The following MATCAP1 variants were observed in gnomAD, a reference collection of about 807,000 sequenced individuals.
MATCAP1 encodes the protein microtubule-associated tyrosine carboxypeptidase 1.
At chr16:67,176,822 G>A in the MATCAP1 span, 2 of 1,592,008 alleles carry the variant, frequency 1.3e-6, no homozygotes, top group African/African-American at 2.7e-5. This position sits in a 1 kb window ranked among gnomAD's most constrained non-coding sequence, Gnocchi z 4.3. Flanking sequence ...CAGTCGGGTA[G>A]CAGGCGACCC....
the MATCAP1 span, chr16:67,176,805 C>A: frequency 6.4e-7 from 1 of 1,574,090 alleles, no homozygotes; most frequent in Non-Finnish European, 8.6e-7. This position sits in a 1 kb window ranked among gnomAD's most constrained non-coding sequence, Gnocchi z 4.3. Flanking sequence ...CAGCCCTCAA[C>A]GGACATCAGT....
the MATCAP1 span, chr16:67,178,980 A>AC: frequency 1.7e-5 from 8 of 464,222 alleles, no homozygotes; most frequent in Admixed American, 4.1e-5. Context: ...AGTGCCCTGC[A>AC]CCCCCCTGCC....
the MATCAP1 span, chr16:67,176,007 G>C: frequency 6.5e-6 from 1 of 153,676 alleles, no homozygotes. The surrounding 1 kb of genome is among the most constrained non-coding windows in gnomAD (Gnocchi z 4.3). Context: ...AGGGAGTGGG[G>C]AACAGGGCCA....
the MATCAP1 span, chr16:67,180,399 A>G: frequency 6.2e-7 from 1 of 1,612,914 alleles, no homozygotes; most frequent in Non-Finnish European, 8.5e-7. Context: ...ACGGTGGCCC[A>G]GGAGCATCTG....
At chr16:67,179,883 G>C in the MATCAP1 span, 2 of 1,614,220 alleles carry the variant, frequency 1.2e-6, no homozygotes, top group Middle Eastern at 1.6e-4. This position sits in a 1 kb window ranked among gnomAD's most constrained non-coding sequence, Gnocchi z 5.2. Context: ...TTGGTGAGCA[G>C]CTGCCCCCCA....
the MATCAP1 span, chr16:67,176,291 AC>A: frequency 6.5e-6 from 1 of 153,290 alleles, no homozygotes; most frequent in Non-Finnish European, 1.5e-5. The surrounding 1 kb of genome is among the most constrained non-coding windows in gnomAD (Gnocchi z 4.3). Flanking sequence ...CGGAAAGCAG[AC>A]CCCAGGCCAG....
chr16:67,181,649 T>C, the MATCAP1 span: 1 of 152,224 alleles, frequency 6.6e-6, no homozygotes, highest in African/African-American at 2.4e-5. Context: ...TCTCTTCCTC[T>C]CTACTGGACT....
At chr16:67,175,818 A>G in the MATCAP1 span, 1 of 152,232 alleles carries the variant, frequency 6.6e-6, no homozygotes, top group African/African-American at 2.4e-5. Context: ...CTGAAGGGAA[A>G]CTGGAAGCAG....
the MATCAP1 span, chr16:67,178,477 T>C: frequency 6.5e-7 from 1 of 1,531,284 alleles, no homozygotes; most frequent in South Asian, 1.2e-5. Flanking sequence ...CTGGCGCGCG[T>C]TGTTCACGCC....
the MATCAP1 span, chr16:67,176,681 GA>G: frequency 1.2e-6 from 1 of 851,130 alleles, no homozygotes; most frequent in Non-Finnish European, 1.7e-6. The surrounding 1 kb of genome is among the most constrained non-coding windows in gnomAD (Gnocchi z 4.3). Context: ...CCTCCTCAAG[GA>G]ATGCTCCTGC....
the MATCAP1 span, chr16:67,178,352 G>C: frequency 6.4e-7 from 1 of 1,574,208 alleles, no homozygotes; most frequent in Non-Finnish European, 8.6e-7. Context: ...AGTGCAGCGC[G>C]CCACAGGAAC....
chr16:67,178,350 G>C, the MATCAP1 span: 3 of 1,575,240 alleles, frequency 1.9e-6, no homozygotes, highest in South Asian at 1.2e-5. Context: ...GCAGTGCAGC[G>C]CGCCACAGGA....
At chr16:67,179,990 C>G in the MATCAP1 span, 2 of 1,613,752 alleles carry the variant, frequency 1.2e-6, no homozygotes, top group Non-Finnish European at 1.7e-6. The surrounding 1 kb of genome is among the most constrained non-coding windows in gnomAD (Gnocchi z 5.2). Flanking sequence ...CTGGTCAGGA[C>G]AAGCCCCTTG....
At chr16:67,176,686 C>T in the MATCAP1 span, 4 of 897,000 alleles carry the variant, frequency 4.5e-6, no homozygotes, top group Non-Finnish European at 4.8e-6. The surrounding 1 kb of genome is among the most constrained non-coding windows in gnomAD (Gnocchi z 4.3). Flanking sequence ...TCAAGGAATG[C>T]TCCTGCCCTC....
At chr16:67,180,226 C>A in the MATCAP1 span, 2 of 1,613,998 alleles carry the variant, frequency 1.2e-6, no homozygotes, top group African/African-American at 2.7e-5. Flanking sequence ...ATATGGCCTG[C>A]ATCCCTTTGA....
the MATCAP1 span, chr16:67,178,140 C>T: frequency 6.8e-7 from 1 of 1,467,200 alleles, no homozygotes; most frequent in Non-Finnish European, 9.2e-7. Flanking sequence ...AGCCCCGCCC[C>T]TCGCCCGAAG....
chr16:67,176,669 C>T, the MATCAP1 span: 2 of 749,870 alleles, frequency 2.7e-6, no homozygotes, highest in African/African-American at 1.8e-5. The surrounding 1 kb of genome is among the most constrained non-coding windows in gnomAD (Gnocchi z 4.3). Flanking sequence ...GATGTTGCCA[C>T]TCCTCCTCAA....
chr16:67,181,477 G>A, the MATCAP1 span: 1 of 152,226 alleles, frequency 6.6e-6, no homozygotes, highest in African/African-American at 2.4e-5. Context: ...CTTTCCAGTG[G>A]TCATCCAAAG....
At chr16:67,177,000 G>A in the MATCAP1 span, 48,886 of 1,506,334 alleles carry the variant, frequency 0.032, 1,152 homozygotes, top group South Asian at 0.07. This position sits in a 1 kb window ranked among gnomAD's most constrained non-coding sequence, Gnocchi z 4.3. Context: ...CGGGCATCAG[G>A]CATAGGCAGT....
Sources: allele counts gnomAD v4.1 joint callset, GRCh38; gene constraint gnomAD v4.1.1; non-coding constraint Gnocchi (gnomAD v3.1); transcripts MANE v1.5; gene names NCBI Gene and HGNC (gene_info 2026-07-23, HGNC 2026-07-21).